GMFG: variants seen among roughly 807,000 people sequenced by gnomAD.
GMFG encodes glia maturation factor gamma.
In GMFG, 21 loss-of-function variants were observed where a neutral mutation model predicts 26.1. The ratio of observed to expected loss-of-function variants is 0.80; its 90% CI spans 0.57 to 1.16. The LOEUF is 1.16. Among genes scored for constraint, GMFG ranks in the 50% most tolerant of loss-of-function variants. The pLI is 0.00. For missense variants in GMFG, 161 were observed against 178.3 expected, an observed-to-expected ratio of 0.90 and a Z score of 0.55; for synonymous variants, 65 against 60.8, an observed-to-expected ratio of 1.07 and a Z score of -0.32.
chr19:39,335,675 TC>T, intron 1 of GMFG, 144 bp from the exon 2 acceptor site: 1 of 680,100 alleles, frequency 1.5e-6, no homozygotes, highest in Non-Finnish European at 2.6e-6. Flanking sequence ...AAGGCACCCT[TC>T]CCACAGAGTA....
intron 4 of GMFG, among the ~76,000 whole-genome samples, chr19:39,331,463 C>T (rs1169141662): frequency 6.6e-6 from 1 of 152,218 alleles, no homozygotes; most frequent in Non-Finnish European, 1.5e-5. Context: ...TTGAGTCCTA[C>T]AGCCTCTAAT....
At chr19:39,328,867 G>A (rs1418522113) in intron 6 of GMFG, 133 bp downstream of exon 6, 6 of 723,052 alleles carry the variant, frequency 8.3e-6, no homozygotes, top group Non-Finnish European at 1.5e-5. Context: ...GACAGAGCGA[G>A]ACCCAGTTCT....
intron 4 of GMFG, among the ~76,000 whole-genome samples, chr19:39,331,852 G>C (rs1449001624): frequency 2.0e-5 from 3 of 151,990 alleles, no homozygotes; most frequent in Non-Finnish European, 4.4e-5. Flanking sequence ...CATTGAAAAA[G>C]AAGGAAAATT....
chr19:39,329,476 A>T (rs2075217451), intron 5 of GMFG, 68 bp downstream of exon 5: 4 of 920,686 alleles, frequency 4.3e-6, no homozygotes, highest in Non-Finnish European at 7.2e-6. Flanking sequence ...ACACATTCGC[A>T]TTTACACACA....
rs767566629 is a variant in GMFG, at chr19:39,333,091, C to T, written c.186G>A (p.Pro62=). 24 of 1,601,022 alleles carry T rather than the reference C, an allele frequency of 1.5e-5. No individual in the cohort carries two copies. In the East Asian group the frequency reaches 2.3e-4, roughly 15 times the overall value. ...CCCCAGGATACCTGGGCTGTCTCTC[C>T]GGCAACTCCATTTTGAGCTCCTCTG... The part of the protein sequence containing the change: ...ISPEELKMEL[P]ERQPRFVVYS... Residue 62 remains proline, a synonymous_variant, in exon 4 of 7, where the codon CCG becomes CCA. Transcript: ENST00000597595.
chr19:39,335,961 C>G lies in GMFG; in HGVS notation c.3+13G>C, dbSNP rs755616839. On this transcript the variant is annotated intron_variant, in intron 1 of 6. Coordinates refer to ENST00000597595, the MANE Select transcript of GMFG (RefSeq NM_004877.4). The stretch of plus-strand genomic sequence containing the variant: ...CAGCCCCAGCTCTTCCCATAGAACC[C>G]CTGGCCCCTGACCATGATTGTTCTG... 6.3e-7 allele frequency: 1 copy of G among 1,578,994 alleles called. No individual in the cohort carries two copies. The highest frequency in any genetic ancestry group is 8.7e-7 in the Non-Finnish European group (1 of 1,148,460).
At chr19:39,332,624 A>G (rs2075231270) in intron 4 of GMFG, among the ~76,000 whole-genome samples, 1 of 147,604 alleles carries the variant, frequency 6.8e-6, no homozygotes, top group Non-Finnish European at 1.5e-5. Flanking sequence ...AAAGTTCTAG[A>G]GTATGAACTC....
chr19:39,329,669 C>T (rs745672660), intron 4 of GMFG, 43 bp from the exon 5 acceptor site: 2 of 1,275,132 alleles, frequency 1.6e-6, no homozygotes, highest in Non-Finnish European at 2.3e-6. Flanking sequence ...TGGCCTGCAG[C>T]CCAGGCTTAA....
chr19:39,331,409 C>T lies in GMFG; in HGVS notation c.200+1668G>A, dbSNP rs573673234. Among the ~76,000 whole-genome samples, 33 of 152,318 alleles carry T rather than the reference C, an allele frequency of 2.2e-4. 1 individual carries two copies. In the South Asian group the frequency reaches 3.7e-3, roughly 17 times the overall value. On this transcript the variant is annotated intron_variant, in intron 4 of 6. Coordinates refer to ENST00000597595, the MANE Select transcript of GMFG (RefSeq NM_004877.4). ...CATGTGTGAGGCCCCCTCCTGGGTG[C>T]GGGGCCCTGTGCAATTATCATATGC...
chr19:39,329,795 T>C lies in GMFG; in HGVS notation c.201-169A>G, dbSNP rs139890961. ...ACAACAAATGATTAAAAAATAATCATAGGGCCGGGCGCAGGACTCACACCT... is the reference window on the plus strand; with the variant it reads ...ACAACAAATGATTAAAAAATAATCACAGGGCCGGGCGCAGGACTCACACCT... On this transcript the variant is annotated intron_variant, in intron 4 of 6. Transcript: ENST00000597595. Among the ~76,000 whole-genome samples, 442 of 152,170 alleles carry C rather than the reference T, an allele frequency of 2.9e-3. 4 individuals carry two copies. Among genetic ancestry groups the C allele is most frequent in the Non-Finnish European group, 4.5e-3 (308 of 68,010 alleles).
At chr19:39,331,569 C>G (rs966781059) in intron 4 of GMFG, among the ~76,000 whole-genome samples, 3 of 152,128 alleles carry the variant, frequency 2.0e-5, no homozygotes, top group African/African-American at 7.2e-5. Flanking sequence ...AAAAAAGCAC[C>G]AGGCTCATGT....
At chr19:39,333,577 G>A (rs909196064) in intron 3 of GMFG, among the ~76,000 whole-genome samples, 13 of 130,648 alleles carry the variant, frequency 1.0e-4, no homozygotes, top group African/African-American at 1.5e-4. Context: ...TCGAAACTCC[G>A]TCTCAAAAAA....
intron 6 of GMFG, 39 bp from the exon 7 acceptor site, chr19:39,328,587 A>G (rs1236728829): frequency 4.0e-6 from 6 of 1,483,728 alleles, no homozygotes; most frequent in Middle Eastern, 1.7e-4. Context: ...ATCTACTCAA[A>G]CACTGAGACA....
chr19:39,330,790 G>C (rs1040362202), intron 4 of GMFG, among the ~76,000 whole-genome samples: 8 of 152,030 alleles, frequency 5.3e-5, no homozygotes, highest in African/African-American at 1.9e-4. Flanking sequence ...TGCAGAGACA[G>C]AGTTTCACCA....
intron 6 of GMFG, 73 bp downstream of exon 6, chr19:39,328,927 A>T: frequency 9.7e-7 from 1 of 1,030,796 alleles, no homozygotes; most frequent in Non-Finnish European, 1.5e-6. Context: ...TGAGGACTCT[A>T]GTCCCTCTTC....
At chr19:39,331,905 A>G (rs1207687411) in intron 4 of GMFG, among the ~76,000 whole-genome samples, 2 of 152,130 alleles carry the variant, frequency 1.3e-5, no homozygotes, top group Non-Finnish European at 1.5e-5. Flanking sequence ...TCTGTCACCC[A>G]GGCTGGAGTA....
rs547389726 is a variant in GMFG at position 39,335,314 on chromosome 19, G to A, written c.101-4C>T. ...TGCCGGTCTTTGTCCACCTTCACTGGGGAGGGGTGGCACACAGGGATTAGA... is the reference window on the plus strand; with the variant it reads ...TGCCGGTCTTTGTCCACCTTCACTGAGGAGGGGTGGCACACAGGGATTAGA... On this transcript the variant is annotated splice_region_variant and splice_polypyrimidine_tract_variant and intron_variant, in intron 2 of 6. Transcript: ENST00000597595. 1 of 1,576,950 alleles carries A rather than the reference G, an allele frequency of 6.3e-7. No homozygotes were observed. Among genetic ancestry groups the A allele is most frequent in the African/African-American group, 1.3e-5 (1 of 74,470 alleles).
chr19:39,333,646 G>T (rs1056735308), intron 3 of GMFG, among the ~76,000 whole-genome samples: 2 of 151,254 alleles, frequency 1.3e-5, no homozygotes, highest in African/African-American at 4.9e-5. Flanking sequence ...CCAAGGCATC[G>T]TTCTATGAAA....
intron 3 of GMFG, 39 bp from the exon 4 acceptor site, chr19:39,333,165 C>A: frequency 7.0e-7 from 1 of 1,431,264 alleles, no homozygotes; most frequent in Non-Finnish European, 9.7e-7. Context: ...AAGAATGAGG[C>A]AGGGCGCAGT....
Sources: gnomAD v4.1 joint callset for allele counts (sites outside exome capture counted in the v4.1 genomes callset) on GRCh38, gnomAD v4.1.1 for gene constraint, MANE v1.5 for transcripts, NCBI Gene and HGNC (gene_info 2026-07-23, HGNC 2026-07-21) for gene names.